The following R3HDM1 variants were observed in gnomAD, a reference collection of about 807,000 sequenced individuals.
The protein encoded by R3HDM1 is R3H domain containing 1, also known as R3H domain-containing protein 1.
A neutral mutation model predicts 141.1 loss-of-function variants in R3HDM1; 46 were observed. That is an observed-to-expected ratio of 0.33 (90% CI 0.26 to 0.42). R3HDM1 has a LOEUF of 0.42. R3HDM1 is among the 10% of genes least tolerant of loss of function. The pLI is 1.00. For missense variants in R3HDM1, 1,184 were observed against 1,368.3 expected, an observed-to-expected ratio of 0.87 and a Z score of 2.12; for synonymous variants, 435 against 472.9, an observed-to-expected ratio of 0.92 and a Z score of 1.04.
chr2:135,716,363 T>C (rs2076151680), intron 24 of R3HDM1, among the ~76,000 whole-genome samples: 1 of 152,200 alleles, frequency 6.6e-6, no homozygotes, highest in African/African-American at 2.4e-5. Context: ...ATTAAGGAAA[T>C]GGCTATGCCC....
intron 21 of R3HDM1, among the ~76,000 whole-genome samples, chr2:135,698,119 G>A (rs1401894619): frequency 6.7e-6 from 1 of 150,234 alleles, no homozygotes; most frequent in Admixed American, 6.6e-5. Context: ...GATGTTAGAG[G>A]TGCATGAGAC....
At chr2:135,532,041 C>T (rs770336313) in intron 1 of R3HDM1, among the ~76,000 whole-genome samples, 7 of 152,228 alleles carry the variant, frequency 4.6e-5, no homozygotes, top group Non-Finnish European at 1.0e-4. Context: ...TCTTGCAGCC[C>T]CAGGGACTCG....
intron 21 of R3HDM1, among the ~76,000 whole-genome samples, chr2:135,692,772 T>C (rs576348303): frequency 2.0e-5 from 3 of 152,288 alleles, no homozygotes; most frequent in East Asian, 3.9e-4. Context: ...TATCGTATTA[T>C]GTGCATCAGG....
chr2:135,709,377 A>G (rs2075355084), intron 21 of R3HDM1, 56 bp from the exon 22 acceptor site: 2 of 1,605,966 alleles, frequency 1.2e-6, no homozygotes, highest in African/African-American at 1.3e-5. Flanking sequence ...CAGCCCATTC[A>G]AGAATGTTTA....
intron 16 of R3HDM1, chr2:135,649,326 A>G (rs953352281): frequency 5.3e-5 from 8 of 152,058 alleles, no homozygotes; most frequent in East Asian, 1.9e-4. Flanking sequence ...CGGCCTCCCA[A>G]AGTGCTGGGA....
chr2:135,557,442 G>A (rs946183253), intron 1 of R3HDM1, among the ~76,000 whole-genome samples: 2 of 152,144 alleles, frequency 1.3e-5, no homozygotes, highest in African/African-American at 4.8e-5. Flanking sequence ...AGGAGTCAGA[G>A]AATTTACTAA....
chr2:135,607,972 G>T (rs948276828), intron 3 of R3HDM1: 1 of 982,728 alleles, frequency 1.0e-6, no homozygotes, highest in African/African-American at 1.7e-5. Flanking sequence ...TTTATTTTAT[G>T]TTAATCTGGT....
intron 1 of R3HDM1, among the ~76,000 whole-genome samples, chr2:135,560,718 A>C (rs1222498860): frequency 6.6e-6 from 1 of 152,196 alleles, no homozygotes; most frequent in Non-Finnish European, 1.5e-5. Context: ...TGAGGTGCTT[A>C]TCTGTACTCA....
intron 21 of R3HDM1, among the ~76,000 whole-genome samples, chr2:135,699,075 T>TAGA (rs1553630332): frequency 0.083 from 10,687 of 129,018 alleles, 924 homozygotes; most frequent in African/African-American, 0.14. Flanking sequence ...ATTAGATAGA[T>TAGA]TAGATAGATA....
chr2:135,632,348 CAAGA>C (rs1043474293), intron 9 of R3HDM1, among the ~76,000 whole-genome samples: 2 of 148,640 alleles, frequency 1.3e-5, no homozygotes, highest in South Asian at 4.2e-4. Context: ...AAAAAAAACA[CAAGA>C]GAGAGAGCAG....
chr2:135,709,394 T>C lies in R3HDM1; in HGVS notation c.2460-39T>C. On this transcript the variant is annotated intron_variant, in intron 21 of 26. Coordinates refer to ENST00000683871, the MANE Select transcript of R3HDM1 (RefSeq NM_001378107.1). The stretch of plus-strand genomic sequence containing the variant: ...GCCCATTCAAGAATGTTTATAGTCA[T>C]CCTCCTCTCATTATGCTGTTTTTTT... 3 of 1,610,734 alleles carry C rather than the reference T, an allele frequency of 1.9e-6. No homozygotes were observed. The East Asian group carries it at 6.7e-5, about 36-fold the overall frequency.
rs371617613 is a variant in R3HDM1, at chr2:135,662,831, A to G, written c.2152+1438A>G. ...CTGGACCTCAAGTAATAGAATTTTCATATTGTTTTTTCTTGATTTTTTTCT... is the reference window on the plus strand; with the variant it reads ...CTGGACCTCAAGTAATAGAATTTTCGTATTGTTTTTTCTTGATTTTTTTCT... On this transcript the variant is annotated intron_variant, in intron 19 of 26. Transcript: ENST00000683871. 1.6e-4 allele frequency among the ~76,000 whole-genome samples: 24 copies of G among 152,244 alleles called. No individual in the cohort carries two copies. The East Asian group carries it at 4.0e-3, about 26-fold the overall frequency.
At chr2:135,618,458 G>T (rs1308866771) in intron 5 of R3HDM1, among the ~76,000 whole-genome samples, 1 of 136,168 alleles carries the variant, frequency 7.3e-6, no homozygotes, top group African/African-American at 3.0e-5. Context: ...CACCGCGCCC[G>T]GCTGATTTTT....
intron 18 of R3HDM1, among the ~76,000 whole-genome samples, chr2:135,653,024 C>T (rs1345819773): frequency 1.3e-4 from 20 of 150,106 alleles, no homozygotes; most frequent in African/African-American, 4.9e-4. Context: ...TTAATTTAGC[C>T]AGTTGATTTA....
At chr2:135,665,539 T>C in intron 19 of R3HDM1, 1 of 465,024 alleles carries the variant, frequency 2.2e-6, no homozygotes, top group South Asian at 1.6e-5. Context: ...TGTATGAAGG[T>C]GTTAACATTT....
chr2:135,645,193 GACT>G (rs1244457254), intron 15 of R3HDM1, 183 bp from the exon 16 acceptor site: 1 of 451,612 alleles, frequency 2.2e-6, no homozygotes, highest in African/African-American at 2.9e-5. Flanking sequence ...GGGAAATAAA[GACT>G]ATTAATAGCC....
intron 1 of R3HDM1, among the ~76,000 whole-genome samples, chr2:135,593,324 T>C (rs1709785798): frequency 6.6e-6 from 1 of 152,184 alleles, no homozygotes; most frequent in Non-Finnish European, 1.5e-5. Context: ...TGGGGAGCTC[T>C]CAGTATAACC....
At chr2:135,590,924 C>T (rs994025516) in intron 1 of R3HDM1, among the ~76,000 whole-genome samples, 2 of 152,124 alleles carry the variant, frequency 1.3e-5, no homozygotes, top group Admixed American at 6.5e-5. Context: ...TAACATAATC[C>T]TTAGGTGCTT....
intron 1 of R3HDM1, chr2:135,586,675 A>G (rs1707996198): frequency 1.0e-6 from 1 of 985,116 alleles, no homozygotes; most frequent in Non-Finnish European, 1.2e-6. Context: ...GCAAAAATAT[A>G]TTTGTTTAGG....
Sources: gnomAD v4.1 joint callset for allele counts (sites outside exome capture counted in the v4.1 genomes callset) on GRCh38, gnomAD v4.1.1 for gene constraint, MANE v1.5 for transcripts, NCBI Gene and HGNC (gene_info 2026-07-23, HGNC 2026-07-21) for gene names.